Variants in SLC22A9 observed in about 807,000 individuals in gnomAD.
SLC22A9 encodes organic anion transporter 7.
In SLC22A9, 64 loss-of-function variants were observed where a neutral mutation model predicts 50.1. The ratio of observed to expected loss-of-function variants is 1.28; its 90% confidence interval spans 1.04 to 1.57. The LOEUF (loss-of-function observed/expected upper bound fraction) is 1.57. Ranked by LOEUF, SLC22A9 falls within the 40% of genes most tolerant of loss-of-function variation. The pLI, the probability that SLC22A9 is intolerant of heterozygous loss-of-function variation, is 0.00. For synonymous variants in SLC22A9, 261 were observed against 242.5 expected (o/e 1.08, Z -0.71); for missense variants, 757 against 676.1 (o/e 1.12, Z -1.33).
At chr11:63,397,089 G>A (rs1227493403) in intron 6 of SLC22A9, among the ~76,000 whole-genome samples, 1 of 152,192 alleles carries the variant, frequency 6.6e-6, no homozygotes, top group Non-Finnish European at 1.5e-5. Flanking sequence ...TTCATTAGGA[G>A]GGACCCCAAG....
chr11:63,382,894 C>T (rs920479137), intron 6 of SLC22A9, among the ~76,000 whole-genome samples: 5 of 152,146 alleles, frequency 3.3e-5, no homozygotes, highest in Non-Finnish European at 7.3e-5. Flanking sequence ...AGTAATTTCA[C>T]CTGACCCATG....
intron 6 of SLC22A9, among the ~76,000 whole-genome samples, chr11:63,388,847 C>A (rs1279871047): frequency 6.6e-6 from 1 of 151,832 alleles, no homozygotes; most frequent in Non-Finnish European, 1.5e-5. Context: ...AGCTTTGATC[C>A]CATTATTTTT....
chr11:63,405,533 A>G (rs2015022559), intron 6 of SLC22A9, among the ~76,000 whole-genome samples: 1 of 152,244 alleles, frequency 6.6e-6, no homozygotes, highest in African/African-American at 2.4e-5. Context: ...GTTATATGCC[A>G]TTAAACATAA....
At position 63,408,715 on chromosome 11, in the gene SLC22A9, A is replaced by G. The variant is rs146027075; in HGVS notation, c.1437A>G (p.Ile479Met). 12,109 of 1,613,978 alleles carry G rather than the reference A, an allele frequency of 7.5e-3. 70 individuals are homozygous for G. Among genetic ancestry groups the G allele is most frequent in the Non-Finnish European group, 8.8e-3 (10,354 of 1,179,912 alleles). Residue 479 changes from isoleucine (I) to methionine (M), a missense_variant, in exon 9 of 10, where the codon ATA becomes ATG. By Grantham distance (10) the Ile-to-Met change is conservative (BLOSUM62 1). Coordinates refer to ENST00000279178, the MANE Select transcript of SLC22A9 (RefSeq NM_080866.3). ...GGATCAATGCAACCTTTGCTAATAT[A>G]GCAGGAGCCCTGGCTCCCCTCATGA... ...AMGINATFAN[I>M]AGALAPLMMI...
At position 63,408,835 on chromosome 11, in the gene SLC22A9, C is replaced by A. The variant is rs781001951; in HGVS notation, c.1557C>A (p.Thr519=). 6.2e-7 allele frequency: 1 copy of A among 1,613,914 alleles called. No homozygotes were observed. Among genetic ancestry groups the A allele is most frequent in the South Asian group, 1.1e-5 (1 of 91,080 alleles). ...SGFAFLLLPE[T]RNKPLFDTIQ... is the part of the protein sequence containing the mutation. ...TTGCTTTCCTCCTCCTTCCTGAAAC[C>A]AGGAACAAGCCTCTGTTTGACACCA... The change falls in exon 9 of 10, where the codon ACC becomes ACA. Residue 519 remains threonine (T), a synonymous_variant. Transcript: ENST00000279178.
chr11:63,384,049 GAAA>G (rs58436264), intron 6 of SLC22A9, among the ~76,000 whole-genome samples: 20 of 132,912 alleles, frequency 1.5e-4, no homozygotes, highest in African/African-American at 3.8e-4. Context: ...CTCCATCTAA[GAAA>G]AAAAAAAAAA....
chr11:63,391,930 A>G (rs1204913686), intron 6 of SLC22A9, among the ~76,000 whole-genome samples: 1 of 151,826 alleles, frequency 6.6e-6, no homozygotes, highest in Non-Finnish European at 1.5e-5. Context: ...GATGACTGTC[A>G]TTGGTGATAT....
chr11:63,379,063 G>T (rs1372190075), intron 5 of SLC22A9, among the ~76,000 whole-genome samples: 2 of 151,810 alleles, frequency 1.3e-5, no homozygotes, highest in African/African-American at 4.8e-5. Flanking sequence ...AATAACCAAA[G>T]CAATCCAAAG....
At chr11:63,393,260 G>T (rs1176636221) in intron 6 of SLC22A9, among the ~76,000 whole-genome samples, 2 of 152,040 alleles carry the variant, frequency 1.3e-5, no homozygotes, top group African/African-American at 4.8e-5. Flanking sequence ...CGATAAAAAG[G>T]GTTGGGTTCT....
At chr11:63,402,461 G>T (rs1325132102) in intron 6 of SLC22A9, among the ~76,000 whole-genome samples, 1 of 151,904 alleles carries the variant, frequency 6.6e-6, no homozygotes, top group African/African-American at 2.4e-5. Context: ...TGACTGTGTT[G>T]CATTGGTCTA....
At chr11:63,371,317 T>C in intron 2 of SLC22A9, 79 bp downstream of exon 2, 1 of 1,125,146 alleles carries the variant, frequency 8.9e-7, no homozygotes, top group Non-Finnish European at 1.3e-6. Context: ...TAGAATTACT[T>C]ACTGCAAATT....
chr11:63,406,868 A>G (rs910624502), intron 7 of SLC22A9, among the ~76,000 whole-genome samples, 157 bp downstream of exon 7: 4 of 152,136 alleles, frequency 2.6e-5, no homozygotes, highest in African/African-American at 9.7e-5. Context: ...TTCTGCCACA[A>G]GTTGCTGGAA....
Position 63,408,198 on chromosome 11 carries a change from G to T in SLC22A9, c.1375G>T (p.Glu459Ter). ...TACCCTTGCTTTTGCCCATGGAAAT[G>T]AAGTAATTCCCACCATAATCAGGTA... ...ANTLAFAHGN[E>*]VIPTIIRARA... The change falls in exon 8 of 10, where the codon GAA becomes TAA. Residue 459 changes from glutamate to a stop codon, truncating the protein, a stop_gained. Transcript: ENST00000279178. LOFTEE classifies it high-confidence loss of function. 6.2e-7 allele frequency: 1 copy of T among 1,613,644 alleles called. No homozygotes were observed. The highest frequency in any genetic ancestry group is 8.5e-7 in the Non-Finnish European group (1 of 1,179,704).
intron 2 of SLC22A9, among the ~76,000 whole-genome samples, chr11:63,372,713 AG>A (rs988363903): frequency 1.3e-5 from 2 of 152,252 alleles, no homozygotes; most frequent in Non-Finnish European, 2.9e-5. Flanking sequence ...AATATTTTAT[AG>A]TTTATGATAA....
chr11:63,404,321 G>A (rs934988061), intron 6 of SLC22A9, among the ~76,000 whole-genome samples: 2 of 152,048 alleles, frequency 1.3e-5, no homozygotes, highest in Non-Finnish European at 2.9e-5. Context: ...CGGACAGAGG[G>A]GAATAGGGAG....
intron 5 of SLC22A9, 124 bp downstream of exon 5, chr11:63,375,892 C>T: frequency 8.2e-7 from 1 of 1,216,560 alleles, no homozygotes; most frequent in Non-Finnish European, 1.1e-6. Context: ...TGGGCTGTAT[C>T]ACCTCACTAT....
intron 6 of SLC22A9, among the ~76,000 whole-genome samples, chr11:63,387,054 C>T (rs549724127): frequency 6.6e-6 from 1 of 152,146 alleles, no homozygotes; most frequent in Non-Finnish European, 1.5e-5. Context: ...TCCCTCTTAA[C>T]ACTGCTTTAG....
chr11:63,389,617 C>T (rs868716012), intron 6 of SLC22A9, among the ~76,000 whole-genome samples: 3 of 152,092 alleles, frequency 2.0e-5, no homozygotes, highest in African/African-American at 7.2e-5. Flanking sequence ...GTCTCTACTA[C>T]TGTAAATAGT....
At chr11:63,386,812 G>A (rs1038084920) in intron 6 of SLC22A9, among the ~76,000 whole-genome samples, 1 of 151,090 alleles carries the variant, frequency 6.6e-6, no homozygotes, top group Non-Finnish European at 1.5e-5. Flanking sequence ...GTTTTGTGTT[G>A]TTGTTGTTGA....
Sources: allele counts gnomAD v4.1 joint callset (sites outside exome capture counted in the v4.1 genomes callset), GRCh38; gene constraint gnomAD v4.1.1; transcripts MANE v1.5; gene names NCBI Gene and HGNC (gene_info 2026-07-23, HGNC 2026-07-21).